The following TGFBI variants were observed in gnomAD, a reference collection of about 807,000 sequenced individuals.
The protein encoded by TGFBI is transforming growth factor-beta-induced protein ig-h3.
TGFBI carries 50 observed loss-of-function variants against 73.7 expected under a neutral mutation model. The ratio of observed to expected loss-of-function variants is 0.68; its 90% confidence interval spans 0.54 to 0.86. TGFBI has a LOEUF of 0.86. Among genes scored for constraint, TGFBI ranks in the 40% least tolerant of loss-of-function variants. The probability of loss-of-function intolerance (pLI) is 0.00; values close to 1 mark genes in which losing one functional copy is unlikely to be tolerated. For synonymous variants in TGFBI, 362 were observed against 360.5 expected (o/e 1.00, Z -0.05); for missense variants, 839 against 877.0 (o/e 0.96, Z 0.55).
At chr5:136,063,105 G>A (rs376875142) in intron 16 of TGFBI, 81 bp from the exon 17 acceptor site, 18 of 1,362,544 alleles carry the variant, frequency 1.3e-5, no homozygotes, top group African/African-American at 1.1e-4. Context: ...GCTTGGCCCT[G>A]GTCCTTGAGA....
In TGFBI at chr5:136,033,795, G is replaced by A. The variant is rs775178833; in HGVS notation, c.167G>A (p.Gly56Asp). 7 of 1,613,824 alleles carry A rather than the reference G, an allele frequency of 4.3e-6. No homozygotes were observed. The highest frequency in any genetic ancestry group is 4.0e-5 in the African/African-American group (3 of 74,910). ...GTGTGTGCTGTGCAGAAGGTTATTG[G>A]CACTAATAGGAAGTACTTCACCAAC... ...PNVCAVQKVIGTNRKYFTNCK... is the reference protein window; with the variant it reads ...PNVCAVQKVIDTNRKYFTNCK... Residue 56 changes from glycine to aspartate, a missense_variant, in exon 2 of 17, where the codon GGC (glycine) becomes GAC (aspartate). Gly to Asp is a moderately conservative substitution (Grantham distance 94, BLOSUM62 -1). Transcript: ENST00000442011.
rs772618249 is a variant in TGFBI at position 136,054,083 on chromosome 5, A to G, written c.1264+3A>G. ...TCCCCTGAATTCTGTATTCAAAGGT[A>G]ACATGGGGAAGGCATCCCTGTTAGA... On this transcript the variant is annotated splice_donor_region_variant and intron_variant, in intron 9 of 16. Coordinates refer to ENST00000442011, the MANE Select transcript of TGFBI (RefSeq NM_000358.3). The G allele has an allele frequency of 6.8e-6, 11 of 1,611,760 alleles. No individual in the cohort carries two copies. Among genetic ancestry groups the G allele is most frequent in the Non-Finnish European group, 7.6e-6 (9 of 1,178,004 alleles).
chr5:136,047,466 C>A (rs779702582), intron 6 of TGFBI, 46 bp downstream of exon 6: 1 of 1,610,032 alleles, frequency 6.2e-7, no homozygotes, highest in South Asian at 1.1e-5. Context: ...GACACATTGC[C>A]TCCCAAGAGG....
At position 136,055,788 on chromosome 5, in the gene TGFBI, G is replaced by T. The variant is rs1240551168; in HGVS notation, c.1519G>T (p.Asp507Tyr). ...VLTPPMGTVM[D>Y]VLKGDNRFSM... Reference sequence around the variant, plus strand: ...GACCCCCCCAATGGGGACTGTCATGGATGTCCTGAAGGGAGACAATCGCTT... The same window carrying T: ...GACCCCCCCAATGGGGACTGTCATGTATGTCCTGAAGGGAGACAATCGCTT... Residue 507 changes from aspartate (D) to tyrosine (Y), a missense_variant, in exon 11 of 17, where the codon GAT becomes TAT. By Grantham distance (160) the Asp-to-Tyr change is radical. Coordinates refer to ENST00000442011, the MANE Select transcript of TGFBI (RefSeq NM_000358.3). 6.2e-7 allele frequency: 1 copy of T among 1,611,906 alleles called. No homozygotes were observed.
At position 136,039,397 on chromosome 5, in the gene TGFBI, C is replaced by T. The variant is rs149778721; in HGVS notation, c.234-4661C>T. On this transcript the variant is annotated intron_variant, in intron 2 of 16. Transcript: ENST00000442011. The stretch of plus-strand genomic sequence containing the variant: ...TATCAAGCCTGGCAGTTAGTGTCAG[C>T]GACTTAGGAGGTGAACAAGTGAGCA... Among the ~76,000 whole-genome samples the T allele has an allele frequency of 4.3e-3, 651 of 152,290 alleles. 2 individuals carry two copies. Among genetic ancestry groups the T allele is most frequent in the Middle Eastern group, 6.8e-3 (2 of 294 alleles).
At chr5:136,054,570 A>T in intron 9 of TGFBI, 146 bp from the exon 10 acceptor site, 1 of 1,045,166 alleles carries the variant, frequency 9.6e-7, no homozygotes, top group Non-Finnish European at 1.5e-6. Flanking sequence ...ACCAGATGTT[A>T]AGGAATATTG....
Position 136,055,752 on chromosome 5 carries a change from G to T in TGFBI, c.1483G>T (p.Asp495Tyr). ...RGRYGTLFTMDRVLTPPMGTV... is the reference protein window; with the variant it reads ...RGRYGTLFTMYRVLTPPMGTV... ...GAGGTACGGGACCCTGTTCACGATG[G>T]ACCGGGTGCTGACCCCCCCAATGGG... Residue 495 changes from aspartate to tyrosine, a missense_variant, in exon 11 of 17, where the codon GAC becomes TAC. Physicochemically the swap from Asp to Tyr is radical, Grantham distance 160. Coordinates refer to ENST00000442011, the MANE Select transcript of TGFBI (RefSeq NM_000358.3). The T allele has an allele frequency of 1.9e-6, 3 of 1,612,954 alleles. No individual in the cohort carries two copies. Among genetic ancestry groups the T allele is most frequent in the Non-Finnish European group, 2.5e-6 (3 of 1,179,198 alleles).
At chr5:136,030,666 G>A (rs1248489735) in intron 1 of TGFBI, among the ~76,000 whole-genome samples, 1 of 152,182 alleles carries the variant, frequency 6.6e-6, no homozygotes, top group Non-Finnish European at 1.5e-5. Context: ...ACATCAAAAT[G>A]CAAGCACCTG....
At chr5:136,030,826 T>C (rs965574779) in intron 1 of TGFBI, among the ~76,000 whole-genome samples, 1 of 152,200 alleles carries the variant, frequency 6.6e-6, no homozygotes, top group Non-Finnish European at 1.5e-5. Flanking sequence ...CCTTATAGCA[T>C]GCCCTGCAAC....
chr5:136,051,532 T>C (rs1751535608), intron 7 of TGFBI, among the ~76,000 whole-genome samples: 1 of 152,232 alleles, frequency 6.6e-6, no homozygotes. Flanking sequence ...AATCTGCCTT[T>C]TCCTACTCAC....
chr5:136,029,211 G>A (rs1019477660), intron 1 of TGFBI, 22 bp downstream of exon 1: 6 of 1,458,720 alleles, frequency 4.1e-6, no homozygotes, highest in Non-Finnish European at 5.4e-6. Flanking sequence ...CGCCTGGCCA[G>A]GGGCTGCGGA....
chr5:136,060,708 C>A (rs963200438), intron 13 of TGFBI, 126 bp from the exon 14 acceptor site: 2 of 668,204 alleles, frequency 3.0e-6, no homozygotes, highest in Non-Finnish European at 4.8e-6. Context: ...GAAACTCCAT[C>A]TCAAAAACAA....
chr5:136,059,213 T>G lies in TGFBI; in HGVS notation c.1802T>G (p.Leu601Trp), dbSNP rs759465529. The G allele has an allele frequency of 9.9e-6, 16 of 1,609,418 alleles. No homozygotes were observed. The highest frequency in any genetic ancestry group is 1.4e-5 in the Non-Finnish European group (16 of 1,178,686). Residue 601 changes from leucine (L) to tryptophan (W), a missense_variant and splice_region_variant, in exon 13 of 17, where the codon TTG becomes TGG. Coordinates refer to ENST00000442011, the MANE Select transcript of TGFBI (RefSeq NM_000358.3). Reference protein sequence around the residue: ...SLQGDKLEVSLKNNVVSVNKE... With the variant: ...SLQGDKLEVSWKNNVVSVNKE... ...CAAGGTGACAAGCTGGAAGTCAGCT[T>G]GGTAAGTGTCCTGCAAATCAAAGGC...
chr5:136,029,262 C>A, intron 1 of TGFBI, 73 bp downstream of exon 1: 3 of 1,386,962 alleles, frequency 2.2e-6, no homozygotes, highest in Non-Finnish European at 2.8e-6. Flanking sequence ...CCGCTGGGGG[C>A]ATTGAACTGG....
At chr5:136,040,025 A>G (rs983773631) in intron 2 of TGFBI, among the ~76,000 whole-genome samples, 1 of 152,156 alleles carries the variant, frequency 6.6e-6, no homozygotes, top group African/African-American at 2.4e-5. Flanking sequence ...TGTTCCAACG[A>G]CTTCTCGAGT....
intron 1 of TGFBI, among the ~76,000 whole-genome samples, chr5:136,030,367 C>T (rs1283855340): frequency 6.6e-6 from 1 of 152,144 alleles, no homozygotes; most frequent in Non-Finnish European, 1.5e-5. Context: ...TACAGGCTGC[C>T]CCTTGTAGGG....
At chr5:136,043,786 T>C (rs895239800) in intron 2 of TGFBI, among the ~76,000 whole-genome samples, 1 of 152,236 alleles carries the variant, frequency 6.6e-6, no homozygotes, top group Non-Finnish European at 1.5e-5. Flanking sequence ...AGTCACAACA[T>C]TGACTAGGCT....
chr5:136,035,435 A>C (rs778058182), intron 2 of TGFBI, among the ~76,000 whole-genome samples: 1 of 152,130 alleles, frequency 6.6e-6, no homozygotes, highest in Non-Finnish European at 1.5e-5. Flanking sequence ...CATCCTGGCT[A>C]ACATGGTGAA....
At position 136,054,875 on chromosome 5, in the gene TGFBI, C is replaced by G; in HGVS notation, c.1410+14C>G. ...GTTTATCGTAATGTAAGTTCTGGGT[C>G]CTAAATCATGCTCCTGGGAAGCTCC... On this transcript the variant is annotated intron_variant, in intron 10 of 16. Coordinates refer to ENST00000442011, the MANE Select transcript of TGFBI (RefSeq NM_000358.3). 6.2e-7 allele frequency: 1 copy of G among 1,611,742 alleles called. No individual in the cohort carries two copies. The highest frequency in any genetic ancestry group is 8.5e-7 in the Non-Finnish European group (1 of 1,178,356).
Sources: gnomAD v4.1 joint callset for allele counts (sites outside exome capture counted in the v4.1 genomes callset) on GRCh38, gnomAD v4.1.1 for gene constraint, MANE v1.5 for transcripts, NCBI Gene and HGNC (gene_info 2026-07-23, HGNC 2026-07-21) for gene names.